RASAL2: variants seen among roughly 807,000 people sequenced by gnomAD.
The protein encoded by RASAL2 is ras GTPase-activating protein nGAP.
A neutral mutation model predicts 128.9 loss-of-function variants in RASAL2; 58 were observed. The observed-to-expected ratio is 0.45, with a 90% CI of 0.36 to 0.56. The LOEUF is 0.56. Among genes scored for constraint, RASAL2 ranks in the 20% least tolerant of loss-of-function variants. RASAL2 has a pLI of 0.00. For missense variants in RASAL2, 1,360 were observed against 1,601.6 expected, an observed-to-expected ratio of 0.85 and a Z score of 2.57; for synonymous variants, 561 against 580.8, an observed-to-expected ratio of 0.97 and a Z score of 0.49.
At chr1:178,148,261 G>A (rs1182506398) in intron 1 of RASAL2, among the ~76,000 whole-genome samples, 1 of 151,140 alleles carries the variant, frequency 6.6e-6, no homozygotes, top group Non-Finnish European at 1.5e-5. Flanking sequence ...GGTAAGGCTT[G>A]GTAAAGTGCT....
chr1:178,116,302 G>A (rs771260419), intron 1 of RASAL2, among the ~76,000 whole-genome samples: 6 of 152,088 alleles, frequency 3.9e-5, no homozygotes, highest in Non-Finnish European at 7.4e-5. Context: ...TTGAAAGGGA[G>A]CGTTACTCAT....
Position 178,132,796 on chromosome 1 carries a change from T to C in RASAL2, c.202+38102T>C, listed in dbSNP as rs547889383. On this transcript the variant is annotated intron_variant, in intron 1 of 17. Coordinates refer to ENST00000367649, the MANE Select transcript of RASAL2 (RefSeq NM_170692.4). ...TTTTTTTTTTTTTTTTGAGACGGAG[T>C]CTTGCTCTGTCACCCAGGTTGGAGT... is the stretch of plus-strand genomic sequence containing the variant. Among the ~76,000 whole-genome samples, 158 of 145,732 alleles carry C rather than the reference T, an allele frequency of 1.1e-3. 1 individual carries two copies. The highest frequency in any genetic ancestry group is 3.8e-3 in the African/African-American group (148 of 39,024).
intron 1 of RASAL2, among the ~76,000 whole-genome samples, chr1:178,152,806 G>C (rs1660959679): frequency 6.6e-6 from 1 of 152,148 alleles, no homozygotes; most frequent in Non-Finnish European, 1.5e-5. Context: ...GGCCAGTCTT[G>C]TTTCGTTTGA....
chr1:178,334,760 C>A (rs112882785), intron 3 of RASAL2, among the ~76,000 whole-genome samples: 10,302 of 152,192 alleles, frequency 0.068, 1,117 homozygotes, highest in African/African-American at 0.23. Flanking sequence ...GAGATGAAGA[C>A]CATCCTGGCC....
At chr1:178,464,831 GTTTTTTT>G (rs986789340) in intron 15 of RASAL2, among the ~76,000 whole-genome samples, 17 of 38,208 alleles carry the variant, frequency 4.4e-4, no homozygotes, top group Admixed American at 3.4e-3. Context: ...GGTTTTAGTT[GTTTTTTT>G]TTTTTTTTTT....
intron 1 of RASAL2, among the ~76,000 whole-genome samples, chr1:178,144,148 T>C (rs1380453835): frequency 2.0e-5 from 3 of 152,190 alleles, no homozygotes; most frequent in Non-Finnish European, 4.4e-5. Context: ...GAACTCCATG[T>C]TGCTGAGCCC....
chr1:178,202,034 G>T (rs1461655271), intron 1 of RASAL2, among the ~76,000 whole-genome samples: 1 of 152,152 alleles, frequency 6.6e-6, no homozygotes, highest in African/African-American at 2.4e-5. Flanking sequence ...ATTGGAGAAA[G>T]GGAAATGATC....
At chr1:178,260,989 G>A (rs999387500) in intron 1 of RASAL2, among the ~76,000 whole-genome samples, 1 of 152,140 alleles carries the variant, frequency 6.6e-6, no homozygotes, top group Non-Finnish European at 1.5e-5. Flanking sequence ...TAATCTTGGC[G>A]TTAGAACAGT....
intron 1 of RASAL2, chr1:178,194,607 A>G (rs565735612): frequency 1.9e-5 from 3 of 158,162 alleles, no homozygotes; most frequent in South Asian, 3.5e-4. Flanking sequence ...TGTTTTTACC[A>G]TCGTTAGAGG....
intron 5 of RASAL2, among the ~76,000 whole-genome samples, chr1:178,438,881 C>CTCTGTGTGTGTGTGTGTGTGTGTG (rs1239809916): frequency 7.7e-6 from 1 of 129,392 alleles, no homozygotes; most frequent in Admixed American, 8.2e-5. Context: ...AGCTTCGACT[C>CTCTGTGTGTGTGTGTGTGTGTGTG]TGTGTGTGTG....
At chr1:178,284,506 A>T (rs940182589) in intron 2 of RASAL2, among the ~76,000 whole-genome samples, 6 of 152,214 alleles carry the variant, frequency 3.9e-5, no homozygotes, top group African/African-American at 9.6e-5. Flanking sequence ...ACAGAATGTA[A>T]CCAGGACAGG....
At chr1:178,232,402 C>T (rs968401291) in intron 1 of RASAL2, among the ~76,000 whole-genome samples, 16 of 151,996 alleles carry the variant, frequency 1.1e-4, no homozygotes, top group Non-Finnish European at 8.8e-5. Context: ...CCAACTTATC[C>T]CAATTGGATT....
At chr1:178,361,240 T>G (rs539648467) in intron 3 of RASAL2, among the ~76,000 whole-genome samples, 21 of 152,330 alleles carry the variant, frequency 1.4e-4, no homozygotes, top group African/African-American at 4.6e-4. Context: ...TACAACAGAT[T>G]CAAATACTAA....
chr1:178,166,270 C>T (rs1181058919), intron 1 of RASAL2, among the ~76,000 whole-genome samples: 1 of 152,124 alleles, frequency 6.6e-6, no homozygotes, highest in Non-Finnish European at 1.5e-5. Flanking sequence ...AAATTCAAGG[C>T]ATGCCATCCA....
chr1:178,362,330 G>C (rs1406523948), intron 3 of RASAL2, among the ~76,000 whole-genome samples: 1 of 152,108 alleles, frequency 6.6e-6, no homozygotes, highest in Non-Finnish European at 1.5e-5. Flanking sequence ...TGGATACCGA[G>C]AGATTACTGT....
chr1:178,202,816 C>G (rs1309724463), intron 1 of RASAL2, among the ~76,000 whole-genome samples: 1 of 152,234 alleles, frequency 6.6e-6, no homozygotes, highest in Non-Finnish European at 1.5e-5. Context: ...GTATGCACCA[C>G]TCAGCCTGTT....
At chr1:178,099,204 G>A (rs1658801259) in intron 1 of RASAL2, among the ~76,000 whole-genome samples, 1 of 152,102 alleles carries the variant, frequency 6.6e-6, no homozygotes. Context: ...ATTTCCTCAG[G>A]TACTGTTAAT....
intron 1 of RASAL2, among the ~76,000 whole-genome samples, chr1:178,249,397 T>C (rs1172663665): frequency 6.6e-6 from 1 of 152,040 alleles, no homozygotes; most frequent in Non-Finnish European, 1.5e-5. Context: ...CATCAGGTCA[T>C]TTATGTTCTT....
At chr1:178,128,904 T>C (rs1334766147) in intron 1 of RASAL2, among the ~76,000 whole-genome samples, 2 of 152,140 alleles carry the variant, frequency 1.3e-5, no homozygotes, top group Non-Finnish European at 2.9e-5. Flanking sequence ...TGTATAGATA[T>C]ACCATACTTT....
Sources: gnomAD v4.1 joint callset for allele counts (sites outside exome capture counted in the v4.1 genomes callset) on GRCh38, gnomAD v4.1.1 for gene constraint, MANE v1.5 for transcripts, NCBI Gene and HGNC (gene_info 2026-07-23, HGNC 2026-07-21) for gene names.